SOX5: variants seen among roughly 807,000 people sequenced by gnomAD.
SOX5 encodes SRY-box transcription factor 5.
SOX5 carries 9 observed loss-of-function variants against 92.0 expected under a neutral mutation model. The ratio of observed to expected loss-of-function variants is 0.10; its 90% CI spans 0.06 to 0.17. The LOEUF (loss-of-function observed/expected upper bound fraction) is 0.17, where lower values mean the gene tolerates loss of function less well. Among genes scored for constraint, SOX5 ranks in the 10% least tolerant of loss-of-function variants. The probability of loss-of-function intolerance (pLI) is 1.00; values close to 1 mark genes in which losing one functional copy is unlikely to be tolerated. For missense variants in SOX5, 642 were observed against 944.5 expected (o/e 0.68, Z 4.20); for synonymous variants, 344 against 336.3 (o/e 1.02, Z -0.25).
rs577199876 is a variant in SOX5 at position 23,594,323 on chromosome 12, T to C, written c.1164+10064A>G. The stretch of plus-strand genomic sequence containing the variant: ...ATTCTTCTTCATATCCCTCACTTTA[T>C]ACACTGTGCTACGTGAGCACACATA... On this transcript the variant is annotated intron_variant, in intron 9 of 14. Transcript: ENST00000451604. Among the ~76,000 whole-genome samples, 15 of 152,286 alleles carry C rather than the reference T, an allele frequency of 9.8e-5. No individual in the cohort carries two copies. The South Asian group carries it at 2.7e-3, about 27-fold the overall frequency.
intron 4 of SOX5, among the ~76,000 whole-genome samples, chr12:23,748,101 A>G (rs547900209): frequency 6.6e-6 from 1 of 152,112 alleles, no homozygotes; most frequent in African/African-American, 2.4e-5. Context: ...CAATTTTTAT[A>G]CTATAGTAGT....
At chr12:24,244,940 C>T (rs1311420804) in intron 3 of SOX5, among the ~76,000 whole-genome samples, 1 of 152,114 alleles carries the variant, frequency 6.6e-6, no homozygotes, top group Non-Finnish European at 1.5e-5. Context: ...ATTCAACCGC[C>T]TCCCAAAGTG....
chr12:24,077,253 T>C (rs892614386), intron 4 of SOX5, among the ~76,000 whole-genome samples: 6 of 152,140 alleles, frequency 3.9e-5, no homozygotes, highest in Non-Finnish European at 7.4e-5. Context: ...AGACTGACTC[T>C]GGTGCTTTCC....
chr12:24,368,342 C>A (rs935840560), intron 2 of SOX5: 20 of 152,154 alleles, frequency 1.3e-4, no homozygotes, highest in Non-Finnish European at 2.6e-4. Flanking sequence ...CCTATTACTA[C>A]AGAATCTACA....
chr12:24,180,876 C>T (rs995176134), intron 4 of SOX5, among the ~76,000 whole-genome samples: 2 of 152,096 alleles, frequency 1.3e-5, no homozygotes, highest in African/African-American at 4.8e-5. Context: ...ATAATTCTAC[C>T]ACCATTCTAC....
chr12:24,022,730 G>A (rs577210528), intron 4 of SOX5, among the ~76,000 whole-genome samples: 59 of 152,032 alleles, frequency 3.9e-4, no homozygotes, highest in Non-Finnish European at 6.9e-4. Context: ...TGAAGAGGAC[G>A]GTCCTCTTAG....
intron 1 of SOX5, among the ~76,000 whole-genome samples, chr12:24,557,443 GA>G (rs372685561): frequency 3.3e-5 from 5 of 149,854 alleles, no homozygotes; most frequent in Non-Finnish European, 7.4e-5. Flanking sequence ...AAGAGGTTAA[GA>G]AAAAAAAGGA....
chr12:24,289,393 C>T (rs1387477327), intron 2 of SOX5, among the ~76,000 whole-genome samples: 1 of 151,898 alleles, frequency 6.6e-6, no homozygotes, highest in Non-Finnish European at 1.5e-5. Context: ...CGTTTCTGTA[C>T]TTGTTATGAG....
chr12:23,863,849 T>A (rs1364948055), intron 2 of SOX5, among the ~76,000 whole-genome samples: 11 of 144,992 alleles, frequency 7.6e-5, no homozygotes, highest in Admixed American at 7.5e-4. Flanking sequence ...CACTCTGAAA[T>A]AAAGTATGGT....
intron 1 of SOX5, among the ~76,000 whole-genome samples, chr12:24,515,941 G>C (rs888662948): frequency 2.6e-5 from 4 of 151,894 alleles, no homozygotes; most frequent in Non-Finnish European, 5.9e-5. Context: ...CCTTGCGTAG[G>C]CTTCCATTTC....
intron 1 of SOX5, among the ~76,000 whole-genome samples, chr12:24,423,124 A>G (rs1966182510): frequency 6.6e-6 from 1 of 152,256 alleles, no homozygotes. Context: ...CTGCACTCCT[A>G]TAAATAGAAG....
chr12:23,799,321 T>G (rs1404907763), intron 3 of SOX5, among the ~76,000 whole-genome samples: 1 of 152,098 alleles, frequency 6.6e-6, no homozygotes, highest in Non-Finnish European at 1.5e-5. Context: ...ACCTTCCTTC[T>G]AATGCCCATT....
intron 1 of SOX5, among the ~76,000 whole-genome samples, chr12:24,428,795 T>C (rs1157592485): frequency 1.4e-5 from 2 of 142,574 alleles, no homozygotes; most frequent in Non-Finnish European, 3.0e-5. Context: ...TCTTATAAGT[T>C]CAGAAACCAT....
At chr12:23,789,528 G>A (rs1283456012) in intron 3 of SOX5, among the ~76,000 whole-genome samples, 6 of 152,010 alleles carry the variant, frequency 3.9e-5, no homozygotes, top group Admixed American at 2.0e-4. Context: ...GAAGTATCAC[G>A]TGTTTAGGGG....
intron 1 of SOX5, among the ~76,000 whole-genome samples, chr12:23,903,305 G>T (rs1440637499): frequency 6.6e-6 from 1 of 152,168 alleles, no homozygotes; most frequent in Non-Finnish European, 1.5e-5. Flanking sequence ...GACACAGAGG[G>T]CTTGGTGTGG....
intron 2 of SOX5, among the ~76,000 whole-genome samples, chr12:23,869,372 A>T (rs2096849082): frequency 1.3e-5 from 2 of 152,084 alleles, no homozygotes; most frequent in Admixed American, 1.3e-4. Context: ...TTTGCTTGGA[A>T]TATCTTCCCC....
intron 2 of SOX5, among the ~76,000 whole-genome samples, chr12:23,891,412 C>T (rs1347002290): frequency 6.6e-6 from 1 of 152,312 alleles, no homozygotes; most frequent in East Asian, 1.9e-4. Context: ...ATCTCAAGAA[C>T]TCTTTCCAAC....
intron 4 of SOX5, among the ~76,000 whole-genome samples, chr12:24,198,654 GAAAAC>G (rs1265090273): frequency 3.9e-5 from 6 of 152,110 alleles, no homozygotes; most frequent in African/African-American, 1.4e-4. Context: ...GGAAAAAGAA[GAAAAC>G]AAAACAAAAC....
At chr12:23,568,436 C>CT (rs1436110233) in intron 10 of SOX5, among the ~76,000 whole-genome samples, 1 of 152,162 alleles carries the variant, frequency 6.6e-6, no homozygotes, top group African/African-American at 2.4e-5. Context: ...TACCATGTCT[C>CT]TAAGAATTGA....
Sources: allele counts gnomAD v4.1 joint callset (sites outside exome capture counted in the v4.1 genomes callset), GRCh38; gene constraint gnomAD v4.1.1; transcripts MANE v1.5; gene names NCBI Gene and HGNC (gene_info 2026-07-23, HGNC 2026-07-21).